CSMD1: variants seen among roughly 807,000 people sequenced by gnomAD.
CSMD1 encodes the protein CUB and sushi domain-containing protein 1.
CSMD1 carries 213 observed loss-of-function variants against 417.5 expected under a neutral mutation model. That is an observed-to-expected ratio of 0.51 (90% CI 0.46 to 0.57). CSMD1 has a LOEUF of 0.57. CSMD1 is among the 20% of genes least tolerant of loss of function. CSMD1 has a pLI of 0.00. For synonymous variants in CSMD1, 2,862 were observed against 1,736.8 expected (o/e 1.65, Z -16.11); for missense variants, 6,923 against 4,529.7 (o/e 1.53, Z -15.17).
Position 2,974,441 on chromosome 8 carries a change from A to C in CSMD1, c.8740+10T>G, listed in dbSNP as rs2128934611. 1 of 1,540,882 alleles carries C rather than the reference A, an allele frequency of 6.5e-7. No individual in the cohort carries two copies. The highest frequency in any genetic ancestry group is 1.2e-5 in the South Asian group (1 of 82,574). ...CTGTAATTCTGTCAGTTCACTCGTA[A>C]GCCCCTCACCTGTGCAGTGGGGCAG... On this transcript the variant is annotated intron_variant, in intron 56 of 69. Coordinates refer to ENST00000635120, the MANE Select transcript of CSMD1 (RefSeq NM_033225.6).
intron 2 of CSMD1, among the ~76,000 whole-genome samples, chr8:4,618,041 A>G (rs1044515770): frequency 6.6e-6 from 1 of 152,212 alleles, no homozygotes; most frequent in East Asian, 1.9e-4. Context: ...CACTTAGAAT[A>G]TGCACTATGG....
chr8:3,296,066 G>A lies in CSMD1; in HGVS notation c.3950+11629C>T, dbSNP rs567827283. ...ACAGCACCCATAACAAATGAGTGAA[G>A]AATATGGAATGTTAGTAGGTGGTAA... On this transcript the variant is annotated intron_variant, in intron 25 of 69. Transcript: ENST00000635120. 7.1e-4 allele frequency among the ~76,000 whole-genome samples: 108 copies of A among 152,072 alleles called. 1 individual carries two copies. Among genetic ancestry groups the A allele is most frequent in the Middle Eastern group, 3.4e-3 (1 of 294 alleles).
rs529488385 is a variant in CSMD1, at chr8:3,395,382, T to G, written c.2593+812A>C. Among the ~76,000 whole-genome samples, 35 of 152,280 alleles carry G rather than the reference T, an allele frequency of 2.3e-4. No homozygotes were observed. The East Asian group carries it at 5.8e-3, about 25-fold the overall frequency. On this transcript the variant is annotated intron_variant, in intron 17 of 69. Transcript: ENST00000635120. Reference sequence around the variant, plus strand: ...AGAAAAGAATAACAGCTGCTTTGCTTTGTTTTGTTTTAATTGGCTAATGTT... The same window carrying G: ...AGAAAAGAATAACAGCTGCTTTGCTGTGTTTTGTTTTAATTGGCTAATGTT...
intron 1 of CSMD1, among the ~76,000 whole-genome samples, chr8:4,925,000 C>A (rs902209341): frequency 6.6e-6 from 1 of 151,936 alleles, no homozygotes; most frequent in African/African-American, 2.4e-5. Flanking sequence ...TAAATACCTC[C>A]AATAAATATT....
intron 1 of CSMD1, among the ~76,000 whole-genome samples, chr8:4,878,275 T>A (rs1803173991): frequency 1.3e-5 from 2 of 152,056 alleles, no homozygotes; most frequent in Non-Finnish European, 2.9e-5. Context: ...AATGGTGCTT[T>A]CTTGACCAAC....
intron 5 of CSMD1, among the ~76,000 whole-genome samples, chr8:3,990,173 C>G (rs1245381382): frequency 6.6e-6 from 1 of 152,004 alleles, no homozygotes; most frequent in Non-Finnish European, 1.5e-5. Context: ...GGATTAAGGG[C>G]CACATACAAA....
chr8:4,568,170 G>T (rs1290447691), intron 2 of CSMD1, among the ~76,000 whole-genome samples: 1 of 152,034 alleles, frequency 6.6e-6, no homozygotes, highest in Non-Finnish European at 1.5e-5. Context: ...ATAAGTTATG[G>T]GATACATGTG....
intron 23 of CSMD1, among the ~76,000 whole-genome samples, chr8:3,312,117 A>G (rs935578101): frequency 5.3e-5 from 8 of 152,294 alleles, no homozygotes; most frequent in Non-Finnish European, 1.0e-4. Context: ...ACAAGCAAAG[A>G]AAAAAGATGT....
intron 1 of CSMD1, among the ~76,000 whole-genome samples, chr8:4,937,027 A>G (rs1378593887): frequency 6.6e-6 from 1 of 152,154 alleles, no homozygotes; most frequent in African/African-American, 2.4e-5. Flanking sequence ...CCTGGCCAAA[A>G]TAACAGGACT....
At chr8:4,578,585 G>C (rs145666485) in intron 2 of CSMD1, among the ~76,000 whole-genome samples, 1,704 of 151,388 alleles carry the variant, frequency 0.011, 27 homozygotes, top group African/African-American at 0.04. Context: ...GGGAGGCCAA[G>C]GTGGGCGGTT....
intron 3 of CSMD1, among the ~76,000 whole-genome samples, chr8:4,159,800 G>C (rs1041058247): frequency 6.6e-6 from 1 of 152,164 alleles, no homozygotes; most frequent in Non-Finnish European, 1.5e-5. Flanking sequence ...GTGTTAGCCA[G>C]GATAGGGAGA....
chr8:4,325,823 C>T (rs776006431), intron 3 of CSMD1, among the ~76,000 whole-genome samples: 7 of 152,128 alleles, frequency 4.6e-5, no homozygotes, highest in Non-Finnish European at 1.0e-4. Context: ...CTGAGAACGA[C>T]TGTAGATTAA....
intron 12 of CSMD1, among the ~76,000 whole-genome samples, chr8:3,439,281 G>GTGTGTA (rs1407744154): frequency 1.8e-5 from 1 of 54,344 alleles, no homozygotes; most frequent in Non-Finnish European, 3.3e-5. Context: ...GGCAATGTCA[G>GTGTGTA]TATATATATA....
chr8:4,365,545 G>A (rs904205874), intron 3 of CSMD1, among the ~76,000 whole-genome samples: 1 of 152,318 alleles, frequency 6.6e-6, no homozygotes, highest in South Asian at 2.1e-4. Context: ...ATCAGAGACA[G>A]TTACTTATGA....
intron 25 of CSMD1, among the ~76,000 whole-genome samples, chr8:3,302,361 C>T (rs1584958828): frequency 6.6e-6 from 1 of 152,156 alleles, no homozygotes; most frequent in Non-Finnish European, 1.5e-5. Context: ...CCCTTACACT[C>T]CTACGTCCTT....
chr8:4,069,596 C>T (rs1799438747), intron 3 of CSMD1, among the ~76,000 whole-genome samples: 1 of 152,176 alleles, frequency 6.6e-6, no homozygotes, highest in Admixed American at 6.5e-5. Flanking sequence ...GGGCCAGTGG[C>T]CACAGCGTAA....
At chr8:4,865,048 A>C (rs1261126096) in intron 1 of CSMD1, among the ~76,000 whole-genome samples, 1 of 151,346 alleles carries the variant, frequency 6.6e-6, no homozygotes, top group Non-Finnish European at 1.5e-5. Flanking sequence ...TATTTTTTAA[A>C]TTTTTATTTC....
chr8:4,446,491 G>A (rs987424083), intron 2 of CSMD1, among the ~76,000 whole-genome samples: 3 of 152,154 alleles, frequency 2.0e-5, no homozygotes, highest in Non-Finnish European at 4.4e-5. Context: ...AGGCTGCAGG[G>A]ATCTGTGATC....
intron 3 of CSMD1, among the ~76,000 whole-genome samples, chr8:4,086,753 T>G (rs549832048): frequency 2.2e-4 from 34 of 152,358 alleles, no homozygotes; most frequent in African/African-American, 7.9e-4. Context: ...TTCTGGTCAA[T>G]TAATTCTTAC....
Sources: allele counts gnomAD v4.1 joint callset (sites outside exome capture counted in the v4.1 genomes callset), GRCh38; gene constraint gnomAD v4.1.1; transcripts MANE v1.5; gene names NCBI Gene and HGNC (gene_info 2026-07-23, HGNC 2026-07-21).